Variants in KATNAL2 observed in about 807,000 individuals in gnomAD.
The protein encoded by KATNAL2 is katanin catalytic subunit A1 like 2.
KATNAL2 carries 52 observed loss-of-function variants against 76.3 expected under a neutral mutation model. The observed-to-expected ratio is 0.68, with a 90% confidence interval of 0.55 to 0.86. The LOEUF (loss-of-function observed/expected upper bound fraction) is 0.86, where lower values mean the gene tolerates loss of function less well. KATNAL2 is among the 40% of genes least tolerant of loss of function. The pLI, the probability that KATNAL2 is intolerant of heterozygous loss-of-function variation, is 0.00. For missense variants in KATNAL2, 660 were observed against 668.9 expected (o/e 0.99, Z 0.15); for synonymous variants, 243 against 244.2 (o/e 1.00, Z 0.05).
chr18:46,931,481 G>T (rs564975366), intron 1 of KATNAL2, among the ~76,000 whole-genome samples: 4 of 151,864 alleles, frequency 2.6e-5, no homozygotes, highest in Non-Finnish European at 5.9e-5. Context: ...GTGAAACCCC[G>T]TTTCTACTAA....
At chr18:47,081,555 G>A (rs1241523731) in intron 15 of KATNAL2, among the ~76,000 whole-genome samples, 1 of 152,138 alleles carries the variant, frequency 6.6e-6, no homozygotes, top group Non-Finnish European at 1.5e-5. Context: ...GCCACATGTG[G>A]CTGGTGCTAC....
At chr18:46,919,973 G>T in intron 1 of KATNAL2, 1 of 874,816 alleles carries the variant, frequency 1.1e-6, no homozygotes, top group Non-Finnish European at 1.6e-6. Context: ...ATACAGCCCT[G>T]CCACAGAGGA....
At chr18:47,034,025 C>T in intron 3 of KATNAL2, 1 of 1,614,200 alleles carries the variant, frequency 6.2e-7, no homozygotes, top group South Asian at 1.1e-5. Flanking sequence ...GATTCGTTTG[C>T]TTTCCTTTGT....
At chr18:46,944,103 GA>G (rs1159270158) in intron 1 of KATNAL2, among the ~76,000 whole-genome samples, 1 of 152,216 alleles carries the variant, frequency 6.6e-6, no homozygotes, top group African/African-American at 2.4e-5. Context: ...CTAGTTACTT[GA>G]TATGGCCAGA....
At chr18:46,937,542 G>A (rs1043406584) in intron 1 of KATNAL2, among the ~76,000 whole-genome samples, 1 of 152,062 alleles carries the variant, frequency 6.6e-6, no homozygotes, top group Admixed American at 6.6e-5. Flanking sequence ...ATCAATGTTT[G>A]TGTGATCTTT....
chr18:47,097,763 T>C (rs1293202795), intron 15 of KATNAL2, among the ~76,000 whole-genome samples: 2 of 152,202 alleles, frequency 1.3e-5, no homozygotes, highest in East Asian at 3.9e-4. Flanking sequence ...CAGGGGTACA[T>C]GTGCAGGTTT....
intron 3 of KATNAL2, among the ~76,000 whole-genome samples, chr18:46,947,151 C>T (rs1312588231): frequency 6.6e-6 from 1 of 151,894 alleles, no homozygotes; most frequent in Admixed American, 6.6e-5. Flanking sequence ...GACAACGGGT[C>T]GGATGAAAGG....
At chr18:47,083,823 A>G (rs539506573) in intron 15 of KATNAL2, among the ~76,000 whole-genome samples, 1 of 152,378 alleles carries the variant, frequency 6.6e-6, no homozygotes, top group East Asian at 1.9e-4. Context: ...AATACTGAAC[A>G]GGCCCATTAA....
intron 3 of KATNAL2, among the ~76,000 whole-genome samples, chr18:46,964,841 CGCCAGGTGGACTG>C (rs1599503724): frequency 1.7e-5 from 2 of 120,370 alleles, no homozygotes; most frequent in East Asian, 4.5e-4. Flanking sequence ...GGGCGGTCCA[CGCCAGGTGGACTG>C]CTGTGCCCCG....
At chr18:46,923,591 G>A (rs1005970851) in intron 1 of KATNAL2, among the ~76,000 whole-genome samples, 2 of 152,156 alleles carry the variant, frequency 1.3e-5, no homozygotes, top group Non-Finnish European at 2.9e-5. Flanking sequence ...TATATACCCA[G>A]TAATGGGACG....
chr18:47,075,105 C>T (rs181888384), intron 13 of KATNAL2, among the ~76,000 whole-genome samples, 172 bp from the exon 14 acceptor site: 1 of 152,166 alleles, frequency 6.6e-6, no homozygotes, highest in Admixed American at 6.5e-5. Context: ...ACCATCCAAC[C>T]CCATGGGGTG....
chr18:47,097,120 A>G (rs1412368176), intron 15 of KATNAL2, among the ~76,000 whole-genome samples: 1 of 142,304 alleles, frequency 7.0e-6, no homozygotes, highest in African/African-American at 2.5e-5. Flanking sequence ...CCCTGGCTCA[A>G]AAAAAAAAAA....
At chr18:46,918,968 GTTTA>G (rs2058325999) in intron 1 of KATNAL2, among the ~76,000 whole-genome samples, 1 of 150,488 alleles carries the variant, frequency 6.6e-6, no homozygotes, top group Non-Finnish European at 1.5e-5. Flanking sequence ...TTGTGTAATT[GTTTA>G]TTTGATATAT....
chr18:46,935,348 G>T (rs1005800018), intron 1 of KATNAL2, among the ~76,000 whole-genome samples: 1 of 152,176 alleles, frequency 6.6e-6, no homozygotes, highest in African/African-American at 2.4e-5. Context: ...AGCCCAACAG[G>T]AAGTAAACTC....
At chr18:46,950,347 TGGA>T (rs1227905667) in intron 3 of KATNAL2, among the ~76,000 whole-genome samples, 1 of 152,122 alleles carries the variant, frequency 6.6e-6, no homozygotes, top group Non-Finnish European at 1.5e-5. Flanking sequence ...CTGGAGAAGC[TGGA>T]GGAGGGGATG....
intron 3 of KATNAL2, chr18:47,034,262 C>G (rs754843811): frequency 6.2e-7 from 1 of 1,613,982 alleles, no homozygotes; most frequent in Non-Finnish European, 8.5e-7. Flanking sequence ...TCTTTCTCCT[C>G]GGGCGACAGG....
intron 1 of KATNAL2, among the ~76,000 whole-genome samples, chr18:46,938,707 C>T (rs1480116110): frequency 6.6e-6 from 1 of 152,062 alleles, no homozygotes; most frequent in Non-Finnish European, 1.5e-5. Context: ...CACCACCCTC[C>T]TATTCAAAAT....
At chr18:47,033,196 C>G in intron 3 of KATNAL2, 1 of 1,614,130 alleles carries the variant, frequency 6.2e-7, no homozygotes, top group East Asian at 2.2e-5. Context: ...ACCGCCGCTG[C>G]TGCTCTGGCT....
intron 3 of KATNAL2, among the ~76,000 whole-genome samples, chr18:46,955,540 T>C (rs527773709): frequency 8.9e-4 from 134 of 151,348 alleles, no homozygotes; most frequent in African/African-American, 3.2e-3. Context: ...CTTCCTTCCT[T>C]CTTTATTTCT....
Sources: allele counts gnomAD v4.1 joint callset (sites outside exome capture counted in the v4.1 genomes callset), GRCh38; gene constraint gnomAD v4.1.1; transcripts MANE v1.5; gene names NCBI Gene and HGNC (gene_info 2026-07-23, HGNC 2026-07-21).